SPOCK1: variants seen among roughly 807,000 people sequenced by gnomAD.
SPOCK1 encodes SPARC (osteonectin), cwcv and kazal like domains proteoglycan 1.
SPOCK1 carries 23 observed loss-of-function variants against 55.3 expected under a neutral mutation model. That is an observed-to-expected ratio of 0.42 (90% CI 0.30 to 0.59). The LOEUF is 0.59. Ranked by LOEUF, SPOCK1 falls within the 20% of genes least tolerant of loss-of-function variation. The pLI, the probability that SPOCK1 is intolerant of heterozygous loss-of-function variation, is 0.22. For missense variants in SPOCK1, 499 were observed against 552.5 expected (o/e 0.90, Z 0.97); for synonymous variants, 226 against 221.0 (o/e 1.02, Z -0.20).
intron 2 of SPOCK1, among the ~76,000 whole-genome samples, chr5:137,459,155 G>A (rs985717604): frequency 6.6e-6 from 1 of 152,210 alleles, no homozygotes; most frequent in East Asian, 1.9e-4. Context: ...CTGAGTGGGT[G>A]AGGATGTACG....
intron 3 of SPOCK1, among the ~76,000 whole-genome samples, chr5:137,150,843 G>A (rs1754305062): frequency 6.6e-6 from 1 of 151,908 alleles, no homozygotes; most frequent in Non-Finnish European, 1.5e-5. Flanking sequence ...TCACCTCTCA[G>A]AGCCTCAGAT....
At chr5:137,303,308 G>A (rs922466287) in intron 2 of SPOCK1, among the ~76,000 whole-genome samples, 8 of 152,028 alleles carry the variant, frequency 5.3e-5, no homozygotes, top group Non-Finnish European at 7.4e-5. Context: ...AAGATGTGGG[G>A]AGGGGTTCCC....
chr5:137,079,707 A>G (rs570390877), intron 5 of SPOCK1, among the ~76,000 whole-genome samples: 2 of 152,194 alleles, frequency 1.3e-5, no homozygotes, highest in South Asian at 4.2e-4. Flanking sequence ...ACAATTCCTT[A>G]ATAGCTGTCT....
chr5:137,304,645 G>C (rs1178527756), intron 2 of SPOCK1, among the ~76,000 whole-genome samples: 2 of 152,220 alleles, frequency 1.3e-5, no homozygotes, highest in East Asian at 3.9e-4. Flanking sequence ...CCCCCCACTG[G>C]GTGAGCAAAG....
chr5:137,406,959 G>A lies in SPOCK1; in HGVS notation c.186+91414C>T, dbSNP rs114942357. Among the ~76,000 whole-genome samples, 1,316 of 152,260 alleles carry A rather than the reference G, an allele frequency of 8.6e-3. 14 individuals are homozygous for A. The highest frequency in any genetic ancestry group is 0.029 in the African/African-American group (1,223 of 41,538). On this transcript the variant is annotated intron_variant, in intron 2 of 10. Coordinates refer to ENST00000394945, the MANE Select transcript of SPOCK1 (RefSeq NM_004598.4). Reference sequence around the variant, plus strand: ...TTTTATATTGAGGACACTGATGCTCGCAGGAGAAAGAAATCTGCCTAAGGC... The same window carrying A: ...TTTTATATTGAGGACACTGATGCTCACAGGAGAAAGAAATCTGCCTAAGGC...
chr5:137,168,787 A>T (rs1417856469), intron 3 of SPOCK1, among the ~76,000 whole-genome samples: 1 of 152,198 alleles, frequency 6.6e-6, no homozygotes, highest in Admixed American at 6.5e-5. Flanking sequence ...TATGGATAAC[A>T]GTTTGGAGGT....
At chr5:137,209,482 G>A (rs1356701932) in intron 3 of SPOCK1, among the ~76,000 whole-genome samples, 1 of 152,160 alleles carries the variant, frequency 6.6e-6, no homozygotes, top group African/African-American at 2.4e-5. Flanking sequence ...TTGGAAGCAG[G>A]CAGCATTACC....
At chr5:137,024,313 A>AG (rs1561583021) in intron 6 of SPOCK1, among the ~76,000 whole-genome samples, 197 of 25,386 alleles carry the variant, frequency 7.8e-3, no homozygotes, top group African/African-American at 0.018. Flanking sequence ...CACCAGTTTG[A>AG]AGGGGGGGGG....
chr5:137,179,044 T>A (rs1754916127), intron 3 of SPOCK1, among the ~76,000 whole-genome samples: 1 of 152,220 alleles, frequency 6.6e-6, no homozygotes, highest in Admixed American at 6.5e-5. Context: ...CATGACTGAC[T>A]ACAGAGTATT....
chr5:136,990,479 CT>C (rs2126963087), intron 7 of SPOCK1, among the ~76,000 whole-genome samples: 1 of 150,762 alleles, frequency 6.6e-6, no homozygotes, highest in Non-Finnish European at 1.5e-5. Flanking sequence ...AACTCTATTG[CT>C]TTAAAACATA....
chr5:137,315,727 C>A (rs974097994), intron 2 of SPOCK1, among the ~76,000 whole-genome samples: 2 of 152,200 alleles, frequency 1.3e-5, no homozygotes, highest in Non-Finnish European at 1.5e-5. Context: ...CCACTGTGTC[C>A]AGCACTAGCA....
rs1036222858 is a variant in SPOCK1, at chr5:137,351,301, T to C, written c.187-84246A>G. The stretch of plus-strand genomic sequence containing the variant: ...ACTGGCTGTGTGCAGCTGCCCAAAG[T>C]GCTTGGCCACTCAGGCTCCTCGTTG... On this transcript the variant is annotated intron_variant, in intron 2 of 10. Transcript: ENST00000394945. Among the ~76,000 whole-genome samples, 6 of 152,208 alleles carry C rather than the reference T, an allele frequency of 3.9e-5. No homozygotes were observed. The South Asian group carries it at 1.0e-3, about 26-fold the overall frequency.
chr5:137,489,597 G>T (rs1365534336), intron 2 of SPOCK1, among the ~76,000 whole-genome samples: 1 of 152,172 alleles, frequency 6.6e-6, no homozygotes, highest in Non-Finnish European at 1.5e-5. Context: ...AAGAGGAGAG[G>T]AAAAGAACAG....
At chr5:137,187,114 C>A (rs1243549019) in intron 3 of SPOCK1, among the ~76,000 whole-genome samples, 1 of 152,184 alleles carries the variant, frequency 6.6e-6, no homozygotes, top group African/African-American at 2.4e-5. Context: ...GGGTCCTGCC[C>A]TAGGTTATCC....
At chr5:137,401,424 A>G (rs1751974461) in intron 2 of SPOCK1, among the ~76,000 whole-genome samples, 1 of 151,974 alleles carries the variant, frequency 6.6e-6, no homozygotes, top group African/African-American at 2.4e-5. Context: ...CTCATCTTAA[A>G]GCTGGGTATG....
intron 2 of SPOCK1, among the ~76,000 whole-genome samples, chr5:137,293,708 C>T (rs1309553931): frequency 1.3e-5 from 2 of 152,122 alleles, no homozygotes; most frequent in African/African-American, 4.8e-5. Context: ...TGTAGGGCAG[C>T]GCCATCCAAT....
intron 3 of SPOCK1, among the ~76,000 whole-genome samples, chr5:137,194,168 A>G (rs1396324061): frequency 6.6e-6 from 1 of 152,210 alleles, no homozygotes; most frequent in African/African-American, 2.4e-5. Context: ...GAAGGCAGGG[A>G]GAGCCTGGGC....
intron 2 of SPOCK1, among the ~76,000 whole-genome samples, chr5:137,367,313 C>G (rs886527048): frequency 3.9e-5 from 6 of 152,312 alleles, no homozygotes; most frequent in African/African-American, 1.4e-4. Flanking sequence ...CATCCCTGAA[C>G]AGTCACACCC....
intron 2 of SPOCK1, among the ~76,000 whole-genome samples, chr5:137,466,987 C>T (rs1014533009): frequency 6.6e-6 from 1 of 152,246 alleles, no homozygotes; most frequent in Non-Finnish European, 1.5e-5. Context: ...ACAGTCCACT[C>T]ACATGGTTGT....
Sources: allele counts gnomAD v4.1 joint callset (sites outside exome capture counted in the v4.1 genomes callset), GRCh38; gene constraint gnomAD v4.1.1; transcripts MANE v1.5; gene names NCBI Gene and HGNC (gene_info 2026-07-23, HGNC 2026-07-21).